Variants in ACBD6 observed in about 807,000 individuals in gnomAD.
ACBD6 encodes acyl-CoA-binding domain-containing protein 6.
Under a neutral mutation model 37.2 loss-of-function variants are expected in ACBD6, and 28 were observed. The observed-to-expected ratio is 0.75, with a 90% CI of 0.56 to 1.03. The LOEUF (loss-of-function observed/expected upper bound fraction) is 1.03. ACBD6 is among the 50% of genes least tolerant of loss of function. The pLI is 0.00. For synonymous variants in ACBD6, 113 were observed against 126.8 expected (o/e 0.89, Z 0.73); for missense variants, 340 against 337.4 (o/e 1.01, Z -0.06).
At chr1:180,457,998 G>T (rs1185704316) in intron 3 of ACBD6, among the ~76,000 whole-genome samples, 1 of 152,006 alleles carries the variant, frequency 6.6e-6, no homozygotes, top group African/African-American at 2.4e-5. Flanking sequence ...ATTTCACCAT[G>T]TTGGCCAGGC....
chr1:180,438,759 T>C (rs1649159982), intron 3 of ACBD6, among the ~76,000 whole-genome samples: 2 of 152,186 alleles, frequency 1.3e-5, no homozygotes, highest in Non-Finnish European at 2.9e-5. Flanking sequence ...ATTAATACAC[T>C]ATTATTAATG....
At chr1:180,497,823 G>C (rs1205070432) in intron 1 of ACBD6, among the ~76,000 whole-genome samples, 4 of 151,984 alleles carry the variant, frequency 2.6e-5, no homozygotes, top group Non-Finnish European at 5.9e-5. Context: ...AAGAAAATTC[G>C]GCTTCACGCA....
At chr1:180,278,111 C>T (rs558679076) in intron 9 of ACBD6, 13 of 152,306 alleles carry the variant, frequency 8.5e-5, no homozygotes, top group Admixed American at 2.6e-4. Flanking sequence ...TACACTTCCA[C>T]GTGCCACGAC....
At chr1:180,278,451 C>T (rs1649173423) in intron 9 of ACBD6, 1 of 152,104 alleles carries the variant, frequency 6.6e-6, no homozygotes. Context: ...CCATCCCATC[C>T]ACACTCTGCT....
In ACBD6 at chr1:180,485,678, G is replaced by A. The variant is rs578093956; in HGVS notation, c.384+6591C>T. On this transcript the variant is annotated intron_variant, in intron 3 of 7. Coordinates refer to ENST00000367595, the MANE Select transcript of ACBD6 (RefSeq NM_032360.4). ...CACAACTGTGAGAGAATAATTTTCT[G>A]TTGTTTTAAACCACAATGTGCTCGT... 3.9e-5 allele frequency among the ~76,000 whole-genome samples: 6 copies of A among 152,294 alleles called. No individual in the cohort carries two copies. In the South Asian group the frequency reaches 1.2e-3, roughly 32 times the overall value.
At chr1:180,409,071 G>A (rs892225096) in intron 5 of ACBD6, among the ~76,000 whole-genome samples, 1 of 152,004 alleles carries the variant, frequency 6.6e-6, no homozygotes, top group Admixed American at 6.6e-5. Context: ...TGGGAGGATC[G>A]CTTGAGCCCA....
intron 6 of ACBD6, among the ~76,000 whole-genome samples, chr1:180,357,859 C>T (rs1652687445): frequency 6.6e-6 from 1 of 152,122 alleles, no homozygotes; most frequent in Admixed American, 6.5e-5. Flanking sequence ...CTCTTGCCAG[C>T]AGAGCTTATT....
chr1:180,398,104 C>T lies in ACBD6; in HGVS notation c.574-499G>A, dbSNP rs545162538. On this transcript the variant is annotated intron_variant, in intron 5 of 7. Coordinates refer to ENST00000367595, the MANE Select transcript of ACBD6 (RefSeq NM_032360.4). ...CAACAACAACAACAATGAAAACAAT[C>T]AATAGGAAGCCCCAATATCTACTTC... 7.2e-5 allele frequency among the ~76,000 whole-genome samples: 11 copies of T among 151,838 alleles called. No homozygotes were observed. The South Asian group carries it at 2.1e-3, about 29-fold the overall frequency.
At chr1:180,387,659 T>C (rs1653896994) in intron 6 of ACBD6, among the ~76,000 whole-genome samples, 1 of 152,224 alleles carries the variant, frequency 6.6e-6, no homozygotes, top group African/African-American at 2.4e-5. Context: ...CCAGAGGATG[T>C]GTAGGCTTCC....
At position 180,502,536 on chromosome 1, in the gene ACBD6, T is replaced by TCGCCTCAGGCC. The variant is rs1159080982; in HGVS notation, c.-281_-271dup. On this transcript the variant is annotated 5_prime_UTR_variant, in exon 1 of 8. Coordinates refer to ENST00000367595, the MANE Select transcript of ACBD6 (RefSeq NM_032360.4). ...CCTCCGGCCAACAGCGCGCTCAGGC[T>TCGCCTCAGGCC]CGCCTCAGGCCCCTCCAACGGAACA... The TCGCCTCAGGCC allele has an allele frequency of 1.2e-5, 6 of 506,044 alleles. No individual in the cohort carries two copies. Among genetic ancestry groups the TCGCCTCAGGCC allele is most frequent in the South Asian group, 2.0e-5 (1 of 50,034 alleles). 31.3% of individuals were successfully genotyped at this position (506,044 alleles called of 1,614,324 possible). A position where few individuals can be genotyped will look rare whatever the true frequency, so the allele number is the denominator to read the frequency against.
At chr1:180,354,297 T>A (rs1444089485) in intron 6 of ACBD6, among the ~76,000 whole-genome samples, 2 of 152,194 alleles carry the variant, frequency 1.3e-5, no homozygotes, top group African/African-American at 4.8e-5. Flanking sequence ...GATTTAACCC[T>A]CTATTTACCC....
At chr1:180,480,303 A>C (rs865993194) in intron 3 of ACBD6, among the ~76,000 whole-genome samples, 2 of 152,300 alleles carry the variant, frequency 1.3e-5, no homozygotes, top group Non-Finnish European at 1.5e-5. Context: ...AGAGATGATG[A>C]TATATTAAGA....
intron 6 of ACBD6, among the ~76,000 whole-genome samples, chr1:180,348,579 T>A (rs1246783825): frequency 2.0e-5 from 3 of 152,168 alleles, no homozygotes; most frequent in African/African-American, 4.8e-5. Context: ...TATAAATGAA[T>A]GTAGCCAGGG....
chr1:180,318,456 G>T (rs958993486), intron 6 of ACBD6, among the ~76,000 whole-genome samples: 1 of 151,930 alleles, frequency 6.6e-6, no homozygotes, highest in Non-Finnish European at 1.5e-5. Flanking sequence ...TTTGATTCTG[G>T]ACTATAAGTT....
intron 3 of ACBD6, among the ~76,000 whole-genome samples, chr1:180,478,492 T>TC (rs1491406499): frequency 2.1e-5 from 2 of 95,842 alleles, no homozygotes; most frequent in East Asian, 4.3e-4. Flanking sequence ...TAAATCTCTC[T>TC]TTTTTTTTTT....
chr1:180,282,624 T>G (rs1323375673), intron 8 of ACBD6, among the ~76,000 whole-genome samples: 3 of 152,200 alleles, frequency 2.0e-5, no homozygotes, highest in Non-Finnish European at 2.9e-5. Flanking sequence ...GCCAGCTGCC[T>G]GCAGATAGTG....
At chr1:180,338,059 T>G (rs1174827932) in intron 6 of ACBD6, among the ~76,000 whole-genome samples, 2 of 152,118 alleles carry the variant, frequency 1.3e-5, no homozygotes, top group African/African-American at 4.8e-5. Context: ...TCCAAACAAA[T>G]GCTCATGGAT....
chr1:180,310,265 C>T (rs1261134857), intron 7 of ACBD6, among the ~76,000 whole-genome samples: 3 of 152,006 alleles, frequency 2.0e-5, no homozygotes, highest in Non-Finnish European at 4.4e-5. Flanking sequence ...GAGGCTGAGG[C>T]AGAAGGATTG....
At chr1:180,412,317 G>A (rs1036417866) in intron 5 of ACBD6, among the ~76,000 whole-genome samples, 1 of 151,990 alleles carries the variant, frequency 6.6e-6, no homozygotes, top group Non-Finnish European at 1.5e-5. Context: ...TAATATTAAG[G>A]GCTAACCTTT....
Sources: gnomAD v4.1 joint callset for allele counts (sites outside exome capture counted in the v4.1 genomes callset) on GRCh38, gnomAD v4.1.1 for gene constraint, MANE v1.5 for transcripts, NCBI Gene and HGNC (gene_info 2026-07-23, HGNC 2026-07-21) for gene names.